PLA2G4A: variants seen among roughly 807,000 people sequenced by gnomAD.
PLA2G4A encodes phospholipase A2 group IVA.
Under a neutral mutation model 81.9 loss-of-function variants are expected in PLA2G4A, and 40 were observed. The ratio of observed to expected loss-of-function variants is 0.49; its 90% CI spans 0.38 to 0.64. PLA2G4A has a LOEUF of 0.64. Among genes scored for constraint, PLA2G4A ranks in the 30% least tolerant of loss-of-function variants. The pLI, the probability that PLA2G4A is intolerant of heterozygous loss-of-function variation, is 0.00. For missense variants in PLA2G4A, 715 were observed against 905.1 expected (o/e 0.79, Z 2.69); for synonymous variants, 302 against 296.9 (o/e 1.02, Z -0.18).
intron 12 of PLA2G4A, among the ~76,000 whole-genome samples, chr1:186,949,177 T>C (rs2102237884): frequency 6.6e-6 from 1 of 152,008 alleles, no homozygotes; most frequent in Admixed American, 6.6e-5. Context: ...GCTATTCATA[T>C]CGTGAATTCT....
chr1:186,873,274 G>A (rs1337170109), intron 3 of PLA2G4A, among the ~76,000 whole-genome samples: 1 of 152,050 alleles, frequency 6.6e-6, no homozygotes, highest in African/African-American at 2.4e-5. Flanking sequence ...ATTTCTTGGA[G>A]AGCTTGATCT....
At chr1:186,912,607 T>G (rs1571393960) in intron 7 of PLA2G4A, among the ~76,000 whole-genome samples, 1 of 151,454 alleles carries the variant, frequency 6.6e-6, no homozygotes, top group African/African-American at 2.4e-5. Flanking sequence ...AATACGAATA[T>G]AAGTTTCCTC....
intron 1 of PLA2G4A, among the ~76,000 whole-genome samples, chr1:186,833,677 A>T (rs1418125839): frequency 1.3e-5 from 2 of 152,150 alleles, no homozygotes; most frequent in African/African-American, 4.8e-5. Context: ...AAGTTTTTTG[A>T]TTCTTTTTGT....
chr1:186,866,010 A>T (rs1653014222), intron 2 of PLA2G4A, among the ~76,000 whole-genome samples: 1 of 152,216 alleles, frequency 6.6e-6, no homozygotes, highest in Admixed American at 6.5e-5. Context: ...CTTAGATTTG[A>T]CATCTCAATT....
In PLA2G4A at chr1:186,849,163, A is replaced by G. The variant is rs996141197; in HGVS notation, c.-69-5123A>G. Among the ~76,000 whole-genome samples the G allele has an allele frequency of 2.6e-5, 4 of 152,132 alleles. No homozygotes were observed. The East Asian group carries it at 5.8e-4, about 22-fold the overall frequency. ...GCACTATTCTGTGGATTCTTTATGC[A>G]TCAACCTGGCACTACTTTGAATATC... On this transcript the variant is annotated intron_variant, in intron 1 of 17. Coordinates refer to ENST00000367466, the MANE Select transcript of PLA2G4A (RefSeq NM_024420.3).
At chr1:186,934,441 C>CATATATAT (rs1209342571) in intron 8 of PLA2G4A, among the ~76,000 whole-genome samples, 1 of 4,020 alleles carries the variant, frequency 2.5e-4, no homozygotes, top group Non-Finnish European at 7.3e-4. Flanking sequence ...TTTAAATGTG[C>CATATATAT]ACATATATAT....
chr1:186,942,794 C>CT (rs1334547382), intron 10 of PLA2G4A, among the ~76,000 whole-genome samples: 4 of 152,130 alleles, frequency 2.6e-5, no homozygotes, highest in Non-Finnish European at 5.9e-5. Flanking sequence ...CTGGATGTGT[C>CT]TTCTTTTGAC....
At chr1:186,875,630 A>T (rs1384840095) in intron 3 of PLA2G4A, among the ~76,000 whole-genome samples, 1 of 152,032 alleles carries the variant, frequency 6.6e-6, no homozygotes, top group Non-Finnish European at 1.5e-5. Flanking sequence ...AAATAGTTTA[A>T]TATATAATTC....
chr1:186,869,353 T>G (rs1240026426), intron 2 of PLA2G4A, among the ~76,000 whole-genome samples: 2 of 152,184 alleles, frequency 1.3e-5, no homozygotes, highest in African/African-American at 4.8e-5. Context: ...AGCATTATTT[T>G]GAAAGATTTT....
chr1:186,844,936 C>G (rs1652119244), intron 1 of PLA2G4A, among the ~76,000 whole-genome samples: 1 of 152,016 alleles, frequency 6.6e-6, no homozygotes, highest in East Asian at 1.9e-4. Context: ...AGGCCAAGGC[C>G]ACACCTGATC....
At chr1:186,904,934 AACCTCCGC>A (rs1654681211) in intron 5 of PLA2G4A, among the ~76,000 whole-genome samples, 1 of 152,034 alleles carries the variant, frequency 6.6e-6, no homozygotes, top group African/African-American at 2.4e-5. Flanking sequence ...AGCTCACTGC[AACCTCCGC>A]CTGCTGGGTT....
intron 7 of PLA2G4A, among the ~76,000 whole-genome samples, chr1:186,918,191 C>A (rs1007808068): frequency 1.3e-5 from 2 of 152,156 alleles, no homozygotes; most frequent in South Asian, 4.1e-4. Flanking sequence ...GGGGTAGATG[C>A]TGCTTTTTGA....
chr1:186,848,068 C>T (rs918547142), intron 1 of PLA2G4A, among the ~76,000 whole-genome samples: 1 of 152,084 alleles, frequency 6.6e-6, no homozygotes, highest in Admixed American at 6.6e-5. Flanking sequence ...CCTCAGAAAA[C>T]GAAAACTGGA....
chr1:186,963,349 C>T (rs1019324404), intron 14 of PLA2G4A, among the ~76,000 whole-genome samples: 3 of 152,168 alleles, frequency 2.0e-5, no homozygotes, highest in African/African-American at 7.2e-5. Flanking sequence ...ATTCCAGGTT[C>T]TGTGATAGGT....
chr1:186,957,988 G>GTT (rs1002950310), intron 14 of PLA2G4A, among the ~76,000 whole-genome samples: 19 of 152,198 alleles, frequency 1.2e-4, no homozygotes, highest in African/African-American at 4.3e-4. Flanking sequence ...ACTGCCTTTT[G>GTT]TTTAAGCATC....
chr1:186,969,843 C>G (rs1239852870), intron 15 of PLA2G4A, among the ~76,000 whole-genome samples: 1 of 151,922 alleles, frequency 6.6e-6, no homozygotes, highest in African/African-American at 2.4e-5. Flanking sequence ...CATATTTTGG[C>G]TATTGTGAAT....
intron 2 of PLA2G4A, among the ~76,000 whole-genome samples, chr1:186,863,333 A>T (rs761485417): frequency 1.3e-5 from 2 of 152,070 alleles, no homozygotes; most frequent in Non-Finnish European, 2.9e-5. Flanking sequence ...TTTTTGTTTG[A>T]CACTTCACTT....
intron 1 of PLA2G4A, among the ~76,000 whole-genome samples, chr1:186,849,209 C>G (rs1652290434): frequency 1.3e-5 from 2 of 152,046 alleles, no homozygotes; most frequent in Admixed American, 6.6e-5. Context: ...TTGGACAAAT[C>G]TTTATTCTGA....
At chr1:186,878,050 T>C (rs2102073270) in intron 3 of PLA2G4A, among the ~76,000 whole-genome samples, 1 of 148,590 alleles carries the variant, frequency 6.7e-6, no homozygotes, top group Admixed American at 6.8e-5. Context: ...TAAATGACAT[T>C]GCTGTTGGTC....
Sources: gnomAD v4.1 joint callset for allele counts (sites outside exome capture counted in the v4.1 genomes callset) on GRCh38, gnomAD v4.1.1 for gene constraint, MANE v1.5 for transcripts, NCBI Gene and HGNC (gene_info 2026-07-23, HGNC 2026-07-21) for gene names.